BEST3: variants seen among roughly 807,000 people sequenced by gnomAD.
BEST3 encodes bestrophin-3.
In BEST3, 50 loss-of-function variants were observed where a neutral mutation model predicts 47.1. That is an observed-to-expected ratio of 1.06 (90% CI 0.85 to 1.34). The LOEUF is 1.34. BEST3 is among the 40% of genes most tolerant of loss of function. BEST3 has a pLI of 0.00. For synonymous variants in BEST3, 282 were observed against 298.8 expected (o/e 0.94, Z 0.58); for missense variants, 765 against 817.0 (o/e 0.94, Z 0.78).
intron 4 of BEST3, among the ~76,000 whole-genome samples, chr12:69,687,904 T>A (rs184302893): frequency 3.3e-5 from 5 of 152,344 alleles, no homozygotes; most frequent in Non-Finnish European, 7.4e-5. Flanking sequence ...TCCTTGAGTA[T>A]GGGGACCATA....
At chr12:69,666,479 G>A (rs985668251) in intron 9 of BEST3, among the ~76,000 whole-genome samples, 3 of 152,170 alleles carry the variant, frequency 2.0e-5, no homozygotes, top group African/African-American at 7.2e-5. Context: ...CCTATGGCAT[G>A]CTTTTCAGGC....
Position 69,693,670 on chromosome 12 carries a change from G to A in BEST3, c.481+4C>T. 1.2e-6 allele frequency: 2 copies of A among 1,600,898 alleles called. No homozygotes were observed. Among genetic ancestry groups the A allele is most frequent in the Non-Finnish European group, 1.7e-6 (2 of 1,168,646 alleles). ...CCCATGGAAGGAAAAGCCATTCATAGTACCTGCTTCAACCACGTGGTCCAT... is the reference window on the plus strand; with the variant it reads ...CCCATGGAAGGAAAAGCCATTCATAATACCTGCTTCAACCACGTGGTCCAT... On this transcript the variant is annotated splice_donor_region_variant and intron_variant, in intron 4 of 9. Transcript: ENST00000330891.
rs182651467 is a variant in BEST3 at position 69,675,528 on chromosome 12, C to T, written c.867+1388G>A. Reference sequence around the variant, plus strand: ...TCAAGCACCTTACATGGAGACAAAACAAAGAATAAAAACTTGGTGCAAGTC... The same window carrying T: ...TCAAGCACCTTACATGGAGACAAAATAAAGAATAAAAACTTGGTGCAAGTC... On this transcript the variant is annotated intron_variant, in intron 7 of 9. Transcript: ENST00000330891. Among the ~76,000 whole-genome samples, 194 of 152,238 alleles carry T rather than the reference C, an allele frequency of 1.3e-3. 1 individual carries two copies. The highest frequency in any genetic ancestry group is 4.0e-3 in the African/African-American group (166 of 41,552).
intron 4 of BEST3, among the ~76,000 whole-genome samples, chr12:69,685,004 CTATT>C: frequency 6.6e-6 from 1 of 151,264 alleles, no homozygotes; most frequent in Non-Finnish European, 1.5e-5. Context: ...CTATTCTATT[CTATT>C]CTATTCTATT....
chr12:69,655,945 G>A, intron 9 of BEST3, 132 bp from the exon 10 acceptor site: 1 of 1,369,804 alleles, frequency 7.3e-7, no homozygotes, highest in Non-Finnish European at 9.6e-7. Flanking sequence ...TTGAGGACTT[G>A]AGATAGTCTA....
chr12:69,654,053 C>G lies in BEST3; in HGVS notation c.*854G>C, dbSNP rs894751087. On this transcript the variant is annotated 3_prime_UTR_variant, in exon 10 of 10. Coordinates refer to ENST00000330891, the MANE Select transcript of BEST3 (RefSeq NM_032735.3). ...TGCAAGGGCACGGGGGGAACCATCA[C>G]TCCTATATGCCTTCCACTGGAAGTG... is the stretch of plus-strand genomic sequence containing the variant. 11 of 985,432 alleles carry G rather than the reference C, an allele frequency of 1.1e-5. No homozygotes were observed. Among genetic ancestry groups the G allele is most frequent in the Non-Finnish European group, 1.3e-5 (11 of 829,940 alleles). The allele number at this position is 985,432 out of a possible 1,614,324, so 61.0% of individuals were successfully genotyped here. A position where few individuals can be genotyped will look rare whatever the true frequency, so the allele number is the denominator to read the frequency against.
At chr12:69,645,021 A>G (rs1020715580) in intron 9 of BEST3, among the ~76,000 whole-genome samples, 15 of 152,144 alleles carry the variant, frequency 9.9e-5, no homozygotes, top group African/African-American at 3.6e-4. Context: ...TGGGACTTCA[A>G]TGGCATTTAT....
chr12:69,655,230 G>C lies in BEST3; in HGVS notation c.1684C>G (p.Pro562Ala). The stretch of plus-strand genomic sequence containing the variant: ...CTGGCTGAAACTGTCTGGGGACTGG[G>C]GCCTCCAGGAGGTGTCTCCTTCTCT... ...PSEKETPPGG[P>A]SPQTVSASAE... Residue 562 changes from proline to alanine, a missense_variant, in exon 10 of 10, where the codon CCC (proline) becomes GCC (alanine). By Grantham distance (27) the Pro-to-Ala change is conservative. Transcript: ENST00000330891. 2 of 1,614,120 alleles carry C rather than the reference G, an allele frequency of 1.2e-6. No homozygotes were observed. Among genetic ancestry groups the C allele is most frequent in the Non-Finnish European group, 1.7e-6 (2 of 1,180,026 alleles).
chr12:69,696,316 T>G (rs921477258), intron 2 of BEST3, among the ~76,000 whole-genome samples: 7 of 152,150 alleles, frequency 4.6e-5, no homozygotes, highest in African/African-American at 1.4e-4. Flanking sequence ...GGAACAAAAG[T>G]TGAGGCCCCA....
At chr12:69,694,344 G>T in intron 3 of BEST3, 26 bp downstream of exon 3, 1 of 1,434,068 alleles carries the variant, frequency 7.0e-7, no homozygotes, top group Non-Finnish European at 9.7e-7. Context: ...CTATGTGGCT[G>T]CAATCTGCGT....
chr12:69,672,902 T>C lies in BEST3; in HGVS notation c.931A>G (p.Ile311Val), dbSNP rs1884668170. 3 of 1,612,820 alleles carry C rather than the reference T, an allele frequency of 1.9e-6. No individual in the cohort carries two copies. The highest frequency in any genetic ancestry group is 2.5e-6 in the Non-Finnish European group (3 of 1,179,496). The change falls in exon 8 of 10, where the codon ATT (isoleucine) becomes GTT (valine). Residue 311 changes from isoleucine to valine, a missense_variant. Coordinates refer to ENST00000330891, the MANE Select transcript of BEST3 (RefSeq NM_032735.3). Reference sequence around the variant, plus strand: ...CCTCTAACCTGCAAATTTCTGTCAATGCACCAGTTAGTTTCAAAATCATCA... The same window carrying C: ...CCTCTAACCTGCAAATTTCTGTCAACGCACCAGTTAGTTTCAAAATCATCA... ...DDDDFETNWC[I>V]DRNLQVSLLA...
chr12:69,653,531 C>T (rs890129995), downstream of BEST3: 1 of 690,258 alleles, frequency 1.4e-6, no homozygotes, highest in Non-Finnish European at 1.8e-6. Flanking sequence ...TTTCTCTCGT[C>T]TTTAAAATGG....
chr12:69,699,242 A>G lies in BEST3; in HGVS notation c.-53T>C. ...TTTGTAGTCTCCGACAGGAAAGAGA[A>G]TCTTCAAATTTCGGGCTCCCCCGAA... On this transcript the variant is annotated 5_prime_UTR_variant, in exon 1 of 10. Transcript: ENST00000330891. 1.0e-6 allele frequency: 1 copy of G among 985,446 alleles called. No individual in the cohort carries two copies. The highest frequency in any genetic ancestry group is 1.2e-6 in the Non-Finnish European group (1 of 829,942). 61.0% of individuals were successfully genotyped at this position (985,446 alleles called of 1,614,324 possible).
rs191087168 is a variant in BEST3, at chr12:69,662,991, A to T, written c.1101-7178T>A. 1.6e-3 allele frequency among the ~76,000 whole-genome samples: 241 copies of T among 152,342 alleles called. 2 individuals are homozygous for T. Among genetic ancestry groups the T allele is most frequent in the African/African-American group, 5.7e-3 (236 of 41,572 alleles). ...CAGAATTTCAAATCCTTTAGCTGTT[A>T]TGAATGGATAGTTTGTTAGGGTTTT... On this transcript the variant is annotated intron_variant, in intron 9 of 9. Coordinates refer to ENST00000330891, the MANE Select transcript of BEST3 (RefSeq NM_032735.3).
At chr12:69,667,935 G>A (rs1884331901) in intron 9 of BEST3, among the ~76,000 whole-genome samples, 2 of 152,158 alleles carry the variant, frequency 1.3e-5, no homozygotes, top group South Asian at 4.1e-4. Flanking sequence ...GCTTAAGATA[G>A]AAAGAAGGAA....
In BEST3 at chr12:69,677,207, C is replaced by T; in HGVS notation, c.687G>A (p.Trp229Ter). 6.2e-7 allele frequency: 1 copy of T among 1,613,714 alleles called. No homozygotes were observed. The highest frequency in any genetic ancestry group is 8.5e-7 in the Non-Finnish European group (1 of 1,179,846). The change falls in exon 6 of 10, where the codon TGG (tryptophan) becomes TGA (stop). Residue 229 changes from tryptophan (W) to a stop codon, truncating the protein, a stop_gained. Coordinates refer to ENST00000330891, the MANE Select transcript of BEST3 (RefSeq NM_032735.3). LOFTEE classifies it high-confidence loss of function. ...SWCSLLFGYD[W>*]VGIPLVYTQV... ...GGGTGTAAACCAGCGGAATCCCAAC[C>T]CAGTCATAACCGAATAAGAGGCTGC...
Position 69,677,030 on chromosome 12 carries a change from G to C in BEST3, c.753C>G (p.Cys251Trp). Residue 251 changes from cysteine (C) to tryptophan (W), a missense_variant, in exon 7 of 10, where the codon TGC becomes TGG. By Grantham distance (215) the Cys-to-Trp change is radical (BLOSUM62 -2). Transcript: ENST00000330891. ...GATCCAAAAACTGGCGTCCAATCAG[G>C]CACGCAAAGAAGAAGGTATAGACAG... is the stretch of plus-strand genomic sequence containing the variant. ...TLAVYTFFFA[C>W]LIGRQFLDPT... The C allele has an allele frequency of 6.2e-7, 1 of 1,614,194 alleles. No individual in the cohort carries two copies. Among genetic ancestry groups the C allele is most frequent in the Admixed American group, 1.7e-5 (1 of 60,026 alleles).
chr12:69,692,601 C>G (rs1885964406), intron 4 of BEST3, among the ~76,000 whole-genome samples: 1 of 152,184 alleles, frequency 6.6e-6, no homozygotes, highest in Non-Finnish European at 1.5e-5. Context: ...AATTTTAATT[C>G]TGGCTTTTCC....
chr12:69,650,325 G>A (rs1423672514), downstream of BEST3, among the ~76,000 whole-genome samples: 2 of 152,056 alleles, frequency 1.3e-5, no homozygotes, highest in Admixed American at 6.6e-5. Context: ...TGGTTCTTTC[G>A]ACTCAGTGGC....
Sources: allele counts gnomAD v4.1 joint callset (sites outside exome capture counted in the v4.1 genomes callset), GRCh38; gene constraint gnomAD v4.1.1; transcripts MANE v1.5; gene names NCBI Gene and HGNC (gene_info 2026-07-23, HGNC 2026-07-21).